Variants in CC2D2A observed in about 807,000 individuals in gnomAD.
CC2D2A encodes coiled-coil and C2 domain containing 2A, also known as coiled-coil and C2 domain-containing protein 2A.
A neutral mutation model predicts 212.9 loss-of-function variants in CC2D2A; 155 were observed. The ratio of observed to expected loss-of-function variants is 0.73; its 90% CI spans 0.64 to 0.83. The LOEUF is 0.83. CC2D2A is among the 40% of genes least tolerant of loss of function. The probability of loss-of-function intolerance (pLI) is 0.00; values close to 1 mark genes in which losing one functional copy is unlikely to be tolerated. For synonymous variants in CC2D2A, 667 were observed against 686.5 expected (o/e 0.97, Z 0.44); for missense variants, 1,856 against 1,956.2 (o/e 0.95, Z 0.97).
intron 14 of CC2D2A, 138 bp downstream of exon 14, chr4:15,533,471 C>T (rs947140841): frequency 8.4e-6 from 5 of 593,090 alleles, no homozygotes; most frequent in African/African-American, 1.9e-5. Flanking sequence ...TAGAACATTG[C>T]ATACCTGAGC....
At chr4:15,565,832 G>C (rs1194539517) in intron 24 of CC2D2A, among the ~76,000 whole-genome samples, 2 of 152,082 alleles carry the variant, frequency 1.3e-5, no homozygotes, top group Non-Finnish European at 2.9e-5. Context: ...GGCTGGTCTT[G>C]AACTCCTGGG....
intron 29 of CC2D2A, among the ~76,000 whole-genome samples, chr4:15,579,094 G>A (rs1331340502): frequency 6.6e-6 from 1 of 152,076 alleles, no homozygotes; most frequent in Non-Finnish European, 1.5e-5. Flanking sequence ...AGCTTTAGTG[G>A]GGGAAATGAC....
intron 10 of CC2D2A, 62 bp downstream of exon 10, chr4:15,516,066 C>T: frequency 7.0e-7 from 1 of 1,431,656 alleles, no homozygotes; most frequent in Non-Finnish European, 9.2e-7. Context: ...CTTTTATTTT[C>T]CTAACAGGGC....
At chr4:15,579,522 A>C (rs1720560802) in intron 29 of CC2D2A, among the ~76,000 whole-genome samples, 2 of 152,146 alleles carry the variant, frequency 1.3e-5, no homozygotes, top group African/African-American at 4.8e-5. Flanking sequence ...TAGATCCATA[A>C]ATTTGCTGCC....
chr4:15,492,879 G>A (rs958516329), intron 4 of CC2D2A: 16 of 564,460 alleles, frequency 2.8e-5, no homozygotes, highest in South Asian at 1.5e-4. Context: ...TGTTAAAGTC[G>A]GAGAAGACAG....
chr4:15,502,598 A>G (rs1716024886), intron 5 of CC2D2A, 81 bp downstream of exon 5: 1 of 1,257,038 alleles, frequency 8.0e-7, no homozygotes, highest in Non-Finnish European at 1.1e-6. Context: ...TTATGCTCCA[A>G]ACTGCATGGA....
chr4:15,515,319 G>C (rs1716804206), intron 9 of CC2D2A, among the ~76,000 whole-genome samples: 1 of 152,246 alleles, frequency 6.6e-6, no homozygotes, highest in Non-Finnish European at 1.5e-5. Flanking sequence ...TGGATTCCCA[G>C]AGTCTCATCT....
At chr4:15,554,628 A>G (rs998830526) in intron 19 of CC2D2A, among the ~76,000 whole-genome samples, 1 of 152,240 alleles carries the variant, frequency 6.6e-6, no homozygotes, top group Admixed American at 6.5e-5. Flanking sequence ...GTGAGCTGAA[A>G]TCGCACCACT....
intron 30 of CC2D2A, among the ~76,000 whole-genome samples, chr4:15,581,196 C>A (rs192031688): frequency 5.3e-4 from 80 of 152,178 alleles, no homozygotes; most frequent in African/African-American, 6.3e-4. Context: ...TCAAAAAAAA[C>A]CCCACTTTGT....
chr4:15,536,562 A>G (rs551790459), intron 14 of CC2D2A, among the ~76,000 whole-genome samples: 2 of 152,302 alleles, frequency 1.3e-5, no homozygotes, highest in Admixed American at 6.5e-5. Flanking sequence ...AAAATAACTA[A>G]TGAAATTTCC....
At chr4:15,533,951 T>C (rs1717986504) in intron 14 of CC2D2A, among the ~76,000 whole-genome samples, 1 of 152,246 alleles carries the variant, frequency 6.6e-6, no homozygotes, top group Admixed American at 6.5e-5. Context: ...GTTGTGCTGA[T>C]TCATGCCTTC....
intron 4 of CC2D2A, among the ~76,000 whole-genome samples, chr4:15,482,498 G>A (rs140759393): frequency 6.9e-4 from 105 of 152,256 alleles, no homozygotes; most frequent in African/African-American, 2.4e-3. Flanking sequence ...CTTGCTGTGT[G>A]CTCACATGAC....
chr4:15,553,129 G>T, intron 18 of CC2D2A, 29 bp from the exon 19 acceptor site: 2 of 1,560,142 alleles, frequency 1.3e-6, no homozygotes, highest in Non-Finnish European at 1.7e-6. Context: ...TTTCTAAACA[G>T]CATCCTGTTT....
Position 15,580,885 on chromosome 4 carries a change from A to G in CC2D2A, c.3975+714A>G, listed in dbSNP as rs114500838. Among the ~76,000 whole-genome samples the G allele has an allele frequency of 3.8e-3, 579 of 152,318 alleles. 6 individuals are homozygous for G. Among genetic ancestry groups the G allele is most frequent in the African/African-American group, 0.013 (560 of 41,574 alleles). ...AATGCTATATGCATCACTGAGTTCA[A>G]ATTAAGCAAAATTTATTTCAAATAT... On this transcript the variant is annotated intron_variant, in intron 30 of 36. Coordinates refer to ENST00000424120, the MANE Select transcript of CC2D2A (RefSeq NM_001378615.1).
At position 15,601,288 on chromosome 4, in the gene CC2D2A, G is replaced by A. The variant is rs1064794798; in HGVS notation, c.4726G>A (p.Asp1576Asn). ...TTATTCTGAAGTGAAGCCTTTAATT[G>A]ACGCTGTGTATAGTACTGGAGTACA... Reference protein sequence around the residue: ...MPYSEVKPLIDAVYSTGVHNI... With the variant: ...MPYSEVKPLINAVYSTGVHNI... The change falls in exon 37 of 37, where the codon GAC becomes AAC. Residue 1576 changes from aspartate to asparagine, a missense_variant. Around this residue, in one of 5 missense-constraint regions of CC2D2A, gnomAD observed 285 missense variants for 278.4 expected, o/e 1.02. Transcript: ENST00000424120. 1.2e-6 allele frequency: 2 copies of A among 1,612,878 alleles called. No homozygotes were observed. The highest frequency in any genetic ancestry group is 2.2e-5 in the South Asian group (2 of 90,978).
At chr4:15,600,161 C>T (rs1017690496) in intron 36 of CC2D2A, among the ~76,000 whole-genome samples, 15 of 152,068 alleles carry the variant, frequency 9.9e-5, no homozygotes, top group Admixed American at 5.2e-4. Flanking sequence ...AAAGCAGGCT[C>T]GTAACTAAAA....
intron 4 of CC2D2A, among the ~76,000 whole-genome samples, chr4:15,484,361 T>G (rs756124283): frequency 1.6e-4 from 25 of 151,964 alleles, no homozygotes; most frequent in Non-Finnish European, 2.9e-4. Context: ...GGAGGGGAAT[T>G]GTACCCAGCC....
chr4:15,547,308 G>A (rs900534561), intron 17 of CC2D2A, among the ~76,000 whole-genome samples: 7 of 152,112 alleles, frequency 4.6e-5, no homozygotes, highest in African/African-American at 1.7e-4. Context: ...CATTTGTGTT[G>A]CAGACATTTT....
At position 15,479,161 on chromosome 4, in the gene CC2D2A, T is replaced by C. The variant is rs549910606; in HGVS notation, c.123+355T>C. On this transcript the variant is annotated intron_variant, in intron 3 of 36. Transcript: ENST00000424120. ...TGGGCAGTAGATGGCAGTACACGAT[T>C]ACAAATCTTGGGAAACTCCCTCTTT... 39 of 1,249,390 alleles carry C rather than the reference T, an allele frequency of 3.1e-5. 1 individual carries two copies. The East Asian group carries it at 9.6e-4, about 31-fold the overall frequency. The allele number at this position is 1,249,390 out of a possible 1,614,324, so 77.4% of individuals were successfully genotyped here. A position where few individuals can be genotyped will look rare whatever the true frequency, so the allele number is the denominator to read the frequency against.
Sources: gnomAD v4.1 joint callset for allele counts (sites outside exome capture counted in the v4.1 genomes callset) on GRCh38, gnomAD v4.1.1 for gene constraint, gnomAD v4.1.1 regional missense constraint, MANE v1.5 for transcripts, NCBI Gene and HGNC (gene_info 2026-07-23, HGNC 2026-07-21) for gene names.